The following MSRA variants were observed in gnomAD, a reference collection of about 807,000 sequenced individuals.
The protein encoded by MSRA is mitochondrial peptide methionine sulfoxide reductase.
A neutral mutation model predicts 31.3 loss-of-function variants in MSRA; 54 were observed. The observed-to-expected ratio is 1.73, with a 90% CI of 1.39 to 2.17. The LOEUF (loss-of-function observed/expected upper bound fraction) is 2.17, where lower values mean the gene tolerates loss of function less well. MSRA is among the 30% of genes most tolerant of loss of function. The pLI is 0.00. For synonymous variants in MSRA, 169 were observed against 116.5 expected (o/e 1.45, Z -2.90); for missense variants, 507 against 300.9 (o/e 1.69, Z -5.07).
intron 5 of MSRA, among the ~76,000 whole-genome samples, chr8:10,381,897 C>T (rs1274510856): frequency 1.3e-5 from 2 of 152,168 alleles, no homozygotes; most frequent in Non-Finnish European, 2.9e-5. Flanking sequence ...CAGGCACCTG[C>T]CACTCTTGGG....
At chr8:10,172,850 C>T (rs557871969) in intron 1 of MSRA, among the ~76,000 whole-genome samples, 13 of 152,240 alleles carry the variant, frequency 8.5e-5, no homozygotes, top group African/African-American at 1.9e-4. Flanking sequence ...TTATGTGCCA[C>T]GCATAGGTGC....
chr8:10,201,116 G>C (rs1374837888), intron 1 of MSRA, among the ~76,000 whole-genome samples: 3 of 152,084 alleles, frequency 2.0e-5, no homozygotes, highest in Non-Finnish European at 4.4e-5. Context: ...ACCATATTTT[G>C]TTGGGGTGTT....
chr8:10,149,196 A>C (rs1415647951), intron 1 of MSRA, among the ~76,000 whole-genome samples: 1 of 150,894 alleles, frequency 6.6e-6, no homozygotes, highest in Non-Finnish European at 1.5e-5. Context: ...GTCTCGGCTC[A>C]CTGCAACTTC....
At chr8:10,416,711 C>A (rs1367636068) in intron 5 of MSRA, among the ~76,000 whole-genome samples, 1 of 152,330 alleles carries the variant, frequency 6.6e-6, no homozygotes, top group African/African-American at 2.4e-5. Flanking sequence ...AGCAGAGCTG[C>A]TTACACTCTA....
chr8:10,102,117 T>C (rs1799569048), intron 1 of MSRA, among the ~76,000 whole-genome samples: 1 of 152,184 alleles, frequency 6.6e-6, no homozygotes, highest in Admixed American at 6.5e-5. Flanking sequence ...TTTGTGGATT[T>C]CTTTGGGTGT....
intron 1 of MSRA, among the ~76,000 whole-genome samples, chr8:10,189,709 T>C (rs1011898854): frequency 6.6e-6 from 1 of 152,190 alleles, no homozygotes; most frequent in African/African-American, 2.4e-5. Flanking sequence ...ATGATTGTTA[T>C]ACTTTTTATA....
chr8:10,328,044 TTTTTTTTTAG>T (rs1337942083), intron 5 of MSRA, among the ~76,000 whole-genome samples: 1 of 139,818 alleles, frequency 7.2e-6, no homozygotes, highest in Non-Finnish European at 1.6e-5. Context: ...TTTTTTTTTT[TTTTTTTTTAG>T]TATCAGTGAC....
chr8:10,337,861 A>G (rs993727795), intron 5 of MSRA: 3 of 700,486 alleles, frequency 4.3e-6, no homozygotes, highest in Non-Finnish European at 7.8e-6. Context: ...ATCAGTTTGT[A>G]AAGTGGTCCT....
chr8:10,381,706 T>C (rs1001955375), intron 5 of MSRA, among the ~76,000 whole-genome samples: 1 of 152,170 alleles, frequency 6.6e-6, no homozygotes, highest in Non-Finnish European at 1.5e-5. Flanking sequence ...CCCCATAATG[T>C]CAGGGGTAAT....
At chr8:10,178,595 T>G (rs1049806132) in intron 1 of MSRA, among the ~76,000 whole-genome samples, 1 of 152,142 alleles carries the variant, frequency 6.6e-6, no homozygotes, top group African/African-American at 2.4e-5. Flanking sequence ...GTAAGAAAAA[T>G]GAAAATTCAC....
At chr8:10,062,191 T>C (rs1441629273) in intron 1 of MSRA, among the ~76,000 whole-genome samples, 4 of 152,174 alleles carry the variant, frequency 2.6e-5, no homozygotes, top group Non-Finnish European at 5.9e-5. Context: ...CCATCAATCA[T>C]CCGTTCCTCC....
chr8:10,378,943 C>G (rs1003902316), intron 5 of MSRA, among the ~76,000 whole-genome samples: 1 of 152,250 alleles, frequency 6.6e-6, no homozygotes, highest in African/African-American at 2.4e-5. Context: ...CACAGCCCTA[C>G]TGCCCCATCA....
intron 1 of MSRA, among the ~76,000 whole-genome samples, chr8:10,138,902 C>G (rs1253282510): frequency 6.6e-6 from 1 of 152,206 alleles, no homozygotes; most frequent in Non-Finnish European, 1.5e-5. Context: ...GCAGAGCTAG[C>G]TACCAGAAAC....
chr8:10,287,770 A>C (rs1379728329), intron 3 of MSRA, among the ~76,000 whole-genome samples: 1 of 152,148 alleles, frequency 6.6e-6, no homozygotes, highest in African/African-American at 2.4e-5. Context: ...TGCCAAGAAT[A>C]AGGGAGACCC....
intron 1 of MSRA, among the ~76,000 whole-genome samples, chr8:10,078,234 T>C (rs905414785): frequency 5.3e-5 from 8 of 152,232 alleles, no homozygotes; most frequent in Non-Finnish European, 8.8e-5. Flanking sequence ...CTCTTCTTCC[T>C]CCTCTTTACC....
chr8:10,353,489 C>T lies in MSRA; in HGVS notation c.543+33500C>T, dbSNP rs1454821327. 3 of 258,496 alleles carry T rather than the reference C, an allele frequency of 1.2e-5. No homozygotes were observed. In the Admixed American group the frequency reaches 1.3e-4, roughly 11 times the overall value. 16.0% of individuals were successfully genotyped at this position (258,496 alleles called of 1,614,324 possible). On this transcript the variant is annotated intron_variant, in intron 5 of 5. Coordinates refer to ENST00000317173, the MANE Select transcript of MSRA (RefSeq NM_012331.5). ...GAGTCCTGTATTTGGTACCGGAGGC[C>T]CGGAGGCCCGTGTATCTGTGTTAGC...
chr8:10,279,557 C>A (rs12678816), intron 3 of MSRA, among the ~76,000 whole-genome samples: 2 of 152,054 alleles, frequency 1.3e-5, no homozygotes, highest in Admixed American at 1.3e-4. Flanking sequence ...CTCTGACTCT[C>A]CCGTTATATC....
chr8:10,184,365 C>A (rs1160471243), intron 1 of MSRA, among the ~76,000 whole-genome samples: 1 of 151,926 alleles, frequency 6.6e-6, no homozygotes, highest in Non-Finnish European at 1.5e-5. Context: ...TAAACCTCTT[C>A]CAAAGAAGCA....
chr8:10,076,714 C>T (rs1045469439), intron 1 of MSRA, among the ~76,000 whole-genome samples: 1 of 152,102 alleles, frequency 6.6e-6, no homozygotes, highest in Non-Finnish European at 1.5e-5. Flanking sequence ...TGGTGGCTGG[C>T]TCTGTAGTGC....
Sources: gnomAD v4.1 joint callset for allele counts (sites outside exome capture counted in the v4.1 genomes callset) on GRCh38, gnomAD v4.1.1 for gene constraint, MANE v1.5 for transcripts, NCBI Gene and HGNC (gene_info 2026-07-23, HGNC 2026-07-21) for gene names.